ARFGEF2: variants seen among roughly 807,000 people sequenced by gnomAD.
The protein encoded by ARFGEF2 is brefeldin A-inhibited guanine nucleotide-exchange protein 2.
A neutral mutation model predicts 219.9 loss-of-function variants in ARFGEF2; 74 were observed. The ratio of observed to expected loss-of-function variants is 0.34; its 90% confidence interval spans 0.28 to 0.41. The LOEUF is 0.41. ARFGEF2 is among the 10% of genes least tolerant of loss of function. The pLI, the probability that ARFGEF2 is intolerant of heterozygous loss-of-function variation, is 1.00. For synonymous variants in ARFGEF2, 733 were observed against 799.2 expected (o/e 0.92, Z 1.40); for missense variants, 1,743 against 2,218.3 (o/e 0.79, Z 4.30).
chr20:49,013,711 G>T lies in ARFGEF2; in HGVS notation c.4049+17G>T. The T allele has an allele frequency of 1.2e-6, 2 of 1,614,050 alleles. No individual in the cohort carries two copies. The highest frequency in any genetic ancestry group is 1.7e-6 in the Non-Finnish European group (2 of 1,180,004). On this transcript the variant is annotated intron_variant, in intron 29 of 38. Transcript: ENST00000371917. The stretch of plus-strand genomic sequence containing the variant: ...ACGAACAAGGTAACCATGTTCCCGT[G>T]CGGTGGCCCCTTACATCACTGAAAT...
intron 27 of ARFGEF2, among the ~76,000 whole-genome samples, chr20:49,011,678 T>G (rs994353780): frequency 6.6e-6 from 1 of 152,234 alleles, no homozygotes; most frequent in Non-Finnish European, 1.5e-5. Context: ...GAATTGATAT[T>G]TGGGCCTTTA....
intron 36 of ARFGEF2, 112 bp from the exon 37 acceptor site, chr20:49,028,418 A>C: frequency 4.0e-6 from 5 of 1,245,502 alleles, no homozygotes; most frequent in Non-Finnish European, 5.8e-6. Context: ...AGACTATCTC[A>C]AGAAAAAAAC....
chr20:49,023,051 A>G lies in ARFGEF2; in HGVS notation c.4625A>G (p.Asn1542Ser), dbSNP rs1210720979. 1.2e-6 allele frequency: 2 copies of G among 1,614,182 alleles called. No homozygotes were observed. The highest frequency in any genetic ancestry group is 1.7e-5 in the Admixed American group (1 of 60,012). Reference sequence around the variant, plus strand: ...GGTTAATCTTTATCATCTAACATAGATCAGAAACTGTTTGCCAGCCTCCTC... The same window carrying G: ...GGTTAATCTTTATCATCTAACATAGGTCAGAAACTGTTTGCCAGCCTCCTC... Reference protein sequence around the residue: ...DDSWKGRPYANQKLFASLLIK... With the variant: ...DDSWKGRPYASQKLFASLLIK... The change falls in exon 35 of 39, where the codon AAT becomes AGT. Residue 1542 changes from asparagine to serine, a missense_variant and splice_region_variant. Physicochemically the swap from Asn to Ser is conservative, Grantham distance 46. Around this residue, in one of 5 missense-constraint regions of ARFGEF2, gnomAD observed 578 missense variants for 664.0 expected, o/e 0.87. Coordinates refer to ENST00000371917, the MANE Select transcript of ARFGEF2 (RefSeq NM_006420.3).
chr20:49,014,006 GC>G, intron 30 of ARFGEF2, 46 bp downstream of exon 30: 1 of 1,611,878 alleles, frequency 6.2e-7, no homozygotes. Context: ...GGAGAGGAAA[GC>G]CTTTCTGGCC....
intron 30 of ARFGEF2, among the ~76,000 whole-genome samples, chr20:49,015,540 C>G (rs1049661012): frequency 4.6e-5 from 7 of 152,178 alleles, no homozygotes; most frequent in African/African-American, 1.7e-4. Context: ...TTTTTTGCAG[C>G]TACACTTCTA....
chr20:48,976,129 G>A lies in ARFGEF2; in HGVS notation c.1888G>A (p.Val630Ile), dbSNP rs146772848. The A allele has an allele frequency of 2.4e-4, 381 of 1,613,934 alleles. 1 individual carries two copies. In the African/African-American group the frequency reaches 3.7e-3, roughly 16 times the overall value. ...STVSSGTQTT[V>I]QDDPEQFEVI... ...AGTGTCCTCGGGGACCCAGACAACT[G>A]TTCAGGATGACCCTGAGCAATTTGA... Residue 630 changes from valine (V) to isoleucine (I), a missense_variant, in exon 14 of 39, where the codon GTT becomes ATT. Transcript: ENST00000371917.
intron 27 of ARFGEF2, 70 bp from the exon 28 acceptor site, chr20:49,011,854 C>G: frequency 4.0e-6 from 6 of 1,506,874 alleles, no homozygotes; most frequent in Non-Finnish European, 5.5e-6. Flanking sequence ...TGTGTGTGCA[C>G]GCACGTGCAT....
intron 1 of ARFGEF2, among the ~76,000 whole-genome samples, chr20:48,927,349 A>T (rs1184663148): frequency 6.6e-6 from 1 of 152,126 alleles, no homozygotes; most frequent in African/African-American, 2.4e-5. Flanking sequence ...CATTCTCATC[A>T]TGAGGATTAC....
chr20:48,930,992 G>C (rs1175965327), intron 1 of ARFGEF2, among the ~76,000 whole-genome samples: 1 of 152,238 alleles, frequency 6.6e-6, no homozygotes, highest in Non-Finnish European at 1.5e-5. Flanking sequence ...AGTGAGGTCA[G>C]TAAGGTGAAA....
chr20:49,017,942 T>C (rs2123539813), intron 33 of ARFGEF2, among the ~76,000 whole-genome samples: 1 of 152,374 alleles, frequency 6.6e-6, no homozygotes, highest in South Asian at 2.1e-4. Context: ...TATCGGACTC[T>C]CAGGTTAGTT....
chr20:48,925,979 A>G (rs996485680), intron 1 of ARFGEF2, among the ~76,000 whole-genome samples: 1 of 152,244 alleles, frequency 6.6e-6, no homozygotes, highest in Admixed American at 6.5e-5. Flanking sequence ...ATGTTGTATT[A>G]TATCTCCTAT....
At chr20:48,970,064 C>T (rs2091215114) in intron 9 of ARFGEF2, among the ~76,000 whole-genome samples, 1 of 152,180 alleles carries the variant, frequency 6.6e-6, no homozygotes, top group African/African-American at 2.4e-5. Context: ...CCTATAATCC[C>T]AGCACTCTGG....
Position 49,017,311 on chromosome 20 carries a change from G to A in ARFGEF2, c.4378G>A (p.Glu1460Lys), listed in dbSNP as rs747003638. ...CLENLVISNG[E>K]KFSPEVWDET... is the part of the protein sequence containing the mutation. ...AGAAAACTTAGTAATATCCAATGGA[G>A]AGAAATTCAGTCCTGAAGTCTGGGA... The change falls in exon 32 of 39, where the codon GAG becomes AAG. Residue 1460 changes from glutamate to lysine, a missense_variant. Around this residue, in one of 5 missense-constraint regions of ARFGEF2, gnomAD observed 578 missense variants for 664.0 expected, o/e 0.87. Coordinates refer to ENST00000371917, the MANE Select transcript of ARFGEF2 (RefSeq NM_006420.3). The A allele has an allele frequency of 1.7e-5, 27 of 1,614,036 alleles. No individual in the cohort carries two copies. The highest frequency in any genetic ancestry group is 2.2e-5 in the Non-Finnish European group (26 of 1,179,970).
intron 11 of ARFGEF2, among the ~76,000 whole-genome samples, 183 bp from the exon 12 acceptor site, chr20:48,972,962 A>G (rs2091237561): frequency 6.6e-6 from 1 of 152,200 alleles, no homozygotes; most frequent in South Asian, 2.1e-4. Flanking sequence ...GCTCAGAAGC[A>G]GGCCTAAAAA....
At position 49,017,317 on chromosome 20, in the gene ARFGEF2, T is replaced by C; in HGVS notation, c.4384T>C (p.Phe1462Leu). 6.2e-7 allele frequency: 1 copy of C among 1,614,042 alleles called. No individual in the cohort carries two copies. The highest frequency in any genetic ancestry group is 1.3e-5 in the African/African-American group (1 of 75,032). Residue 1462 changes from phenylalanine to leucine, a missense_variant, in exon 32 of 39, where the codon TTC becomes CTC. By Grantham distance (22) the Phe-to-Leu change is conservative. This residue lies in a region of ARFGEF2 where 578 missense variants were observed against 664.0 expected (regional missense o/e 0.87). Coordinates refer to ENST00000371917, the MANE Select transcript of ARFGEF2 (RefSeq NM_006420.3). ...CTTAGTAATATCCAATGGAGAGAAATTCAGTCCTGAAGTCTGGGATGAAAC... is the reference window on the plus strand; with the variant it reads ...CTTAGTAATATCCAATGGAGAGAAACTCAGTCCTGAAGTCTGGGATGAAAC... Reference protein sequence around the residue: ...ENLVISNGEKFSPEVWDETCN... With the variant: ...ENLVISNGEKLSPEVWDETCN...
At chr20:48,953,488 T>C in intron 5 of ARFGEF2, 68 bp from the exon 6 acceptor site, 3 of 1,489,418 alleles carry the variant, frequency 2.0e-6, no homozygotes, top group Non-Finnish European at 2.8e-6. Flanking sequence ...GGAAATTTTT[T>C]AAGTAATAGG....
intron 26 of ARFGEF2, among the ~76,000 whole-genome samples, chr20:49,006,724 G>C (rs2091462035): frequency 2.0e-5 from 3 of 152,320 alleles, no homozygotes; most frequent in Admixed American, 6.5e-5. Context: ...TGGCATAGGT[G>C]GGGAGGCCAG....
Position 49,033,328 on chromosome 20 carries a change from G to T in ARFGEF2, c.*129G>T. The T allele has an allele frequency of 2.9e-6, 3 of 1,037,894 alleles. No homozygotes were observed. Among genetic ancestry groups the T allele is most frequent in the Non-Finnish European group, 4.3e-6 (3 of 691,634 alleles). The allele number at this position is 1,037,894 out of a possible 1,614,324, so 64.3% of individuals were successfully genotyped here. A position where few individuals can be genotyped will look rare whatever the true frequency, so the allele number is the denominator to read the frequency against. ...TGGATCTCAGAATGGCCTGGAAACGGATGGCCTCTACGCTGTTCCATCACA... is the reference window on the plus strand; with the variant it reads ...TGGATCTCAGAATGGCCTGGAAACGTATGGCCTCTACGCTGTTCCATCACA... On this transcript the variant is annotated 3_prime_UTR_variant, in exon 39 of 39. Transcript: ENST00000371917.
chr20:48,947,426 G>A (rs1275473901), intron 3 of ARFGEF2, among the ~76,000 whole-genome samples: 3 of 149,716 alleles, frequency 2.0e-5, no homozygotes, highest in Non-Finnish European at 3.0e-5. Context: ...GTTATGGGTT[G>A]GGCATGATGG....
Sources: gnomAD v4.1 joint callset for allele counts (sites outside exome capture counted in the v4.1 genomes callset) on GRCh38, gnomAD v4.1.1 for gene constraint, gnomAD v4.1.1 regional missense constraint, MANE v1.5 for transcripts, NCBI Gene and HGNC (gene_info 2026-07-23, HGNC 2026-07-21) for gene names.